RELN: variants seen among roughly 807,000 people sequenced by gnomAD.
RELN encodes reelin.
Under a neutral mutation model 427.6 loss-of-function variants are expected in RELN, and 108 were observed. The observed-to-expected ratio is 0.25, with a 90% CI of 0.22 to 0.30. RELN has a LOEUF of 0.30. Among genes scored for constraint, RELN ranks in the 10% least tolerant of loss-of-function variants. The probability of loss-of-function intolerance (pLI) is 1.00; values close to 1 mark genes in which losing one functional copy is unlikely to be tolerated. For missense variants in RELN, 3,715 were observed against 4,302.8 expected (o/e 0.86, Z 3.82); for synonymous variants, 1,524 against 1,513.4 (o/e 1.01, Z -0.16).
In RELN at chr7:103,557,163, G is replaced by A; in HGVS notation, c.5615-4C>T. 6.2e-7 allele frequency: 1 copy of A among 1,609,582 alleles called. No homozygotes were observed. Among genetic ancestry groups the A allele is most frequent in the Non-Finnish European group, 8.5e-7 (1 of 1,176,018 alleles). On this transcript the variant is annotated splice_region_variant and splice_polypyrimidine_tract_variant and intron_variant, in intron 37 of 64. Transcript: ENST00000428762. Reference sequence around the variant, plus strand: ...GAGTGAGATCTCTCTGGGGTACCTAGGAAGAAGATAACACAGGTATAAAAC... The same window carrying A: ...GAGTGAGATCTCTCTGGGGTACCTAAGAAGAAGATAACACAGGTATAAAAC...
chr7:103,485,737 G>A (rs1436282226), intron 61 of RELN, among the ~76,000 whole-genome samples: 1 of 149,874 alleles, frequency 6.7e-6, no homozygotes, highest in Non-Finnish European at 1.5e-5. Context: ...AATTTTAAAG[G>A]TCTTATCCAT....
At chr7:103,699,923 G>T (rs1834055879) in intron 9 of RELN, among the ~76,000 whole-genome samples, 1 of 151,964 alleles carries the variant, frequency 6.6e-6, no homozygotes, top group Admixed American at 6.6e-5. Flanking sequence ...TTAGACTAAA[G>T]ATTTGTGAAG....
At position 103,604,274 on chromosome 7, in the gene RELN, C is replaced by T; in HGVS notation, c.3146+72G>A. 4 of 1,576,600 alleles carry T rather than the reference C, an allele frequency of 2.5e-6. No homozygotes were observed. The South Asian group carries it at 4.4e-5, about 17-fold the overall frequency. ...CGGTCTATCCATGTCACTCTGATGA[C>T]AACTGCTGTGGTATCCTCCAGCCAC... is the stretch of plus-strand genomic sequence containing the variant. On this transcript the variant is annotated intron_variant, in intron 23 of 64. Coordinates refer to ENST00000428762, the MANE Select transcript of RELN (RefSeq NM_005045.4).
intron 11 of RELN, among the ~76,000 whole-genome samples, chr7:103,666,732 G>C (rs1833276227): frequency 6.6e-6 from 1 of 152,004 alleles, no homozygotes; most frequent in Non-Finnish European, 1.5e-5. Flanking sequence ...TAATTCCTCA[G>C]TTTAGAATTT....
In RELN at chr7:103,749,497, T is replaced by C; in HGVS notation, c.585A>G (p.Ile195Met). ...CTCTCAGGATAATGCTGTCACTATG[T>C]ATTTCAGCTAAAAGAAAAAGGAAGT... ...DVTVHPHLAE[I>M]HSDSIILRDD... Residue 195 changes from isoleucine (I) to methionine (M), a missense_variant, in exon 6 of 65, where the codon ATA (isoleucine) becomes ATG (methionine). By Grantham distance (10) the Ile-to-Met change is conservative. Coordinates refer to ENST00000428762, the MANE Select transcript of RELN (RefSeq NM_005045.4). 3 of 1,611,092 alleles carry C rather than the reference T, an allele frequency of 1.9e-6. No individual in the cohort carries two copies. The highest frequency in any genetic ancestry group is 8.5e-7 in the Non-Finnish European group (1 of 1,177,310).
intron 10 of RELN, among the ~76,000 whole-genome samples, chr7:103,693,653 T>C (rs1455962450): frequency 6.6e-6 from 1 of 152,076 alleles, no homozygotes; most frequent in African/African-American, 2.4e-5. Flanking sequence ...AGTGAGGGAT[T>C]TTGGCTTGTA....
At chr7:103,668,789 T>C (rs1833327090) in intron 11 of RELN, among the ~76,000 whole-genome samples, 1 of 152,208 alleles carries the variant, frequency 6.6e-6, no homozygotes, top group African/African-American at 2.4e-5. Context: ...ATTGGTCTTT[T>C]GCTTGCTCCA....
At position 103,697,909 on chromosome 7, in the gene RELN, T is replaced by C. The variant is rs1344629137; in HGVS notation, c.1087A>G (p.Ser363Gly). 1.2e-6 allele frequency: 2 copies of C among 1,613,702 alleles called. No homozygotes were observed. The highest frequency in any genetic ancestry group is 1.7e-6 in the Non-Finnish European group (2 of 1,179,838). Reference sequence around the variant, plus strand: ...TTGCCTGTGTCCACTGGGTCGAGACTATCTTCTAAAACGACTTGTCTGTGA... The same window carrying C: ...TTGCCTGTGTCCACTGGGTCGAGACCATCTTCTAAAACGACTTGTCTGTGA... Reference protein sequence around the residue: ...SAHRQVVLEDSLDPVDTGNWL... With the variant: ...SAHRQVVLEDGLDPVDTGNWL... Residue 363 changes from serine (S) to glycine (G), a missense_variant, in exon 10 of 65, where the codon AGT (serine) becomes GGT (glycine). By Grantham distance (56) the Ser-to-Gly change is moderately conservative. Around this residue, in one of 4 missense-constraint regions of RELN, gnomAD observed 2,208 missense variants for 2,361.7 expected, o/e 0.93. Transcript: ENST00000428762.
intron 6 of RELN, among the ~76,000 whole-genome samples, chr7:103,741,929 C>A (rs7805831): frequency 3.4e-4 from 51 of 152,138 alleles, no homozygotes; most frequent in Non-Finnish European, 4.4e-4. Flanking sequence ...TGGTTCTCCC[C>A]GCACGCAGCT....
At chr7:103,983,371 C>A (rs1220950681) in intron 1 of RELN, among the ~76,000 whole-genome samples, 1 of 152,192 alleles carries the variant, frequency 6.6e-6, no homozygotes, top group Non-Finnish European at 1.5e-5. Flanking sequence ...ATGGGCATGG[C>A]AGGTGACTGT....
At chr7:103,695,495 C>T (rs1833959547) in intron 10 of RELN, among the ~76,000 whole-genome samples, 1 of 152,070 alleles carries the variant, frequency 6.6e-6, no homozygotes, top group Non-Finnish European at 1.5e-5. Context: ...GCATATTCCA[C>T]ATAAAGTTGT....
At chr7:103,479,372 CACTT>C (rs984622302) in intron 63 of RELN, among the ~76,000 whole-genome samples, 2 of 152,168 alleles carry the variant, frequency 1.3e-5, no homozygotes, top group African/African-American at 4.8e-5. Context: ...AGGTTTCTGA[CACTT>C]GATTGTCAAT....
intron 10 of RELN, among the ~76,000 whole-genome samples, chr7:103,692,920 G>A (rs907621148): frequency 2.6e-5 from 4 of 152,058 alleles, no homozygotes; most frequent in Admixed American, 1.3e-4. Context: ...CCCTAAAGAT[G>A]GAGGGGAATT....
chr7:103,495,175 CTT>C (rs68172294), intron 57 of RELN, among the ~76,000 whole-genome samples: 16,426 of 124,816 alleles, frequency 0.13, 747 homozygotes, highest in East Asian at 0.26. Context: ...AAAGTAATTC[CTT>C]TTTTTTTTTT....
At chr7:103,475,216 C>CT (rs551981579) in intron 64 of RELN, among the ~76,000 whole-genome samples, 2,474 of 133,654 alleles carry the variant, frequency 0.019, 72 homozygotes, top group African/African-American at 0.079. Context: ...TATAAGTGAA[C>CT]TTTTTTTTTT....
At chr7:103,813,005 T>C (rs1227598206) in intron 3 of RELN, among the ~76,000 whole-genome samples, 1 of 152,172 alleles carries the variant, frequency 6.6e-6, no homozygotes, top group Non-Finnish European at 1.5e-5. Flanking sequence ...TTAAATTTTG[T>C]CTTATTCTTC....
intron 2 of RELN, among the ~76,000 whole-genome samples, chr7:103,865,425 G>C (rs1197209908): frequency 6.6e-6 from 1 of 151,986 alleles, no homozygotes; most frequent in East Asian, 1.9e-4. Flanking sequence ...CGATACCAAA[G>C]CTAGATGAAA....
At chr7:103,768,997 C>A (rs769112409) in intron 4 of RELN, among the ~76,000 whole-genome samples, 3 of 152,282 alleles carry the variant, frequency 2.0e-5, no homozygotes, top group Non-Finnish European at 4.4e-5. Context: ...AACAGAGATA[C>A]ATTTTTAAAA....
At chr7:103,766,322 A>C (rs763658496) in intron 4 of RELN, among the ~76,000 whole-genome samples, 2 of 152,220 alleles carry the variant, frequency 1.3e-5, no homozygotes, top group Non-Finnish European at 2.9e-5. Context: ...GGGCACATTC[A>C]AGTGAAATAC....
Sources: gnomAD v4.1 joint callset for allele counts (sites outside exome capture counted in the v4.1 genomes callset) on GRCh38, gnomAD v4.1.1 for gene constraint, gnomAD v4.1.1 regional missense constraint, MANE v1.5 for transcripts, NCBI Gene and HGNC (gene_info 2026-07-23, HGNC 2026-07-21) for gene names.